KCNAB2: variants seen among roughly 807,000 people sequenced by gnomAD.
KCNAB2 encodes the protein voltage-gated potassium channel subunit beta-2.
Under a neutral mutation model 63.6 loss-of-function variants are expected in KCNAB2, and 29 were observed. The observed-to-expected ratio is 0.46, with a 90% CI of 0.34 to 0.62. The LOEUF is 0.62. KCNAB2 is among the 20% of genes least tolerant of loss of function. The pLI is 0.01. For synonymous variants in KCNAB2, 222 were observed against 224.2 expected (o/e 0.99, Z 0.09); for missense variants, 359 against 563.9 (o/e 0.64, Z 3.68).
At position 6,035,552 on chromosome 1, in the gene KCNAB2, G is replaced by A. The variant is rs982216576; in HGVS notation, c.-53+758G>A. On this transcript the variant is annotated intron_variant, in intron 1 of 15. Coordinates refer to the KCNAB2 transcript ENST00000164247. This position sits in a 1 kb window ranked among gnomAD's most constrained non-coding sequence, Gnocchi z 5.0. ...GGCGGGACGTGGGAGGAAGGGAGGA[G>A]TCGGGGTGACTCCCGGGAGTGGGAC... Among the ~76,000 whole-genome samples the A allele has an allele frequency of 6.6e-6, 1 of 152,036 alleles. No individual in the cohort carries two copies. The highest frequency in any genetic ancestry group is 2.1e-4 in the South Asian group (1 of 4,824).
intron 2 of KCNAB2, among the ~76,000 whole-genome samples, chr1:6,057,919 G>A (rs1661978502): frequency 6.6e-6 from 1 of 152,162 alleles, no homozygotes; most frequent in Admixed American, 6.5e-5. Context: ...GGGAGGCTGA[G>A]GCAAGTGGAT....
Position 6,099,835 on chromosome 1 carries a change from G to C in KCNAB2, c.*1261G>C. The C allele has an allele frequency of 6.5e-7, 1 of 1,540,742 alleles. No homozygotes were observed. The highest frequency in any genetic ancestry group is 2.4e-5 in the East Asian group (1 of 40,832). On this transcript the variant is annotated 3_prime_UTR_variant, in exon 16 of 16. Coordinates refer to ENST00000378083, the MANE Select transcript of KCNAB2 (RefSeq NM_001199862.2). ...TGGGACAGGCTGGGCAGAGGGGAGA[G>C]AGGGCAGGACAGGCCAGAGTGACGC... is the stretch of plus-strand genomic sequence containing the variant.
At chr1:6,085,920 C>A in intron 6 of KCNAB2, 1 of 985,520 alleles carries the variant, frequency 1.0e-6, no homozygotes, top group African/African-American at 1.7e-5. Flanking sequence ...CAGCACAGAC[C>A]GGGGAGCGGT....
Position 6,095,367 on chromosome 1 carries a change from C to T in KCNAB2, c.777C>T (p.Ile259=). The T allele has an allele frequency of 1.2e-6, 2 of 1,613,076 alleles. No homozygotes were observed. The highest frequency in any genetic ancestry group is 8.5e-7 in the Non-Finnish European group (1 of 1,180,024). Residue 259 remains isoleucine (I), a synonymous_variant, in exon 12 of 16, where the codon ATC becomes ATT. Coordinates refer to ENST00000378083, the MANE Select transcript of KCNAB2 (RefSeq NM_001199862.2). The part of the protein sequence containing the change: ...VARQFNLTPP[I]CEQAEYHMFQ... ...GGCAGTTCAACCTGACCCCGCCCAT[C>T]TGCGAGCAGGCTGAGTACCACATGT...
chr1:6,081,484 T>G (rs930015809), intron 4 of KCNAB2, among the ~76,000 whole-genome samples: 1 of 152,224 alleles, frequency 6.6e-6, no homozygotes. Flanking sequence ...CTTGGTTTCC[T>G]AGGACTGCTG....
chr1:6,021,567 A>G (rs1242692400), intron 1 of KCNAB2, among the ~76,000 whole-genome samples: 1 of 152,212 alleles, frequency 6.6e-6, no homozygotes, highest in African/African-American at 2.4e-5. Flanking sequence ...TATACAGTTC[A>G]GTGGTATTGA....
At chr1:6,000,594 C>G (rs1391927915) in intron 1 of KCNAB2, among the ~76,000 whole-genome samples, 1 of 151,576 alleles carries the variant, frequency 6.6e-6, no homozygotes, top group Non-Finnish European at 1.5e-5. Context: ...CCCCACCCCC[C>G]GCCGCTCTGC....
intron 3 of KCNAB2, 81 bp downstream of exon 3, chr1:6,072,879 G>C: frequency 7.1e-7 from 1 of 1,405,088 alleles, no homozygotes; most frequent in Non-Finnish European, 9.9e-7. Flanking sequence ...GACACCCCTT[G>C]GGAGGCAGGG....
intron 1 of KCNAB2, among the ~76,000 whole-genome samples, chr1:5,999,258 A>G (rs1481134754): frequency 6.6e-6 from 1 of 152,138 alleles, no homozygotes; most frequent in African/African-American, 2.4e-5. Flanking sequence ...GTCCTGAGAT[A>G]TCGGTGTGCC....
chr1:6,091,368 G>T, intron 10 of KCNAB2, 61 bp downstream of exon 10: 1 of 1,200,726 alleles, frequency 8.3e-7, no homozygotes, highest in East Asian at 2.6e-5. Flanking sequence ...TTATGAGACA[G>T]TATTTTTATT....
intron 5 of KCNAB2, among the ~76,000 whole-genome samples, chr1:6,083,392 C>T (rs1300656426): frequency 6.6e-6 from 1 of 152,214 alleles, no homozygotes; most frequent in African/African-American, 2.4e-5. Context: ...GGGCACACCC[C>T]ATGTCACAGC....
chr1:6,020,037 G>A (rs961810662), intron 1 of KCNAB2, among the ~76,000 whole-genome samples: 1 of 152,188 alleles, frequency 6.6e-6, no homozygotes, highest in Non-Finnish European at 1.5e-5. Flanking sequence ...TCCCACAGGT[G>A]GAGGTCTTGC....
At chr1:6,077,042 G>A (rs565163386) in intron 4 of KCNAB2, among the ~76,000 whole-genome samples, 14 of 152,102 alleles carry the variant, frequency 9.2e-5, no homozygotes, top group African/African-American at 3.1e-4. Flanking sequence ...AAAAATTAGC[G>A]GGGCGTGGTG....
chr1:6,043,778 C>T (rs1195874313), upstream of KCNAB2, among the ~76,000 whole-genome samples: 1 of 152,232 alleles, frequency 6.6e-6, no homozygotes, highest in Non-Finnish European at 1.5e-5. Flanking sequence ...CATGCAGCTC[C>T]CAGGCAAGGA....
intron 5 of KCNAB2, among the ~76,000 whole-genome samples, chr1:6,083,736 G>A (rs949692438): frequency 6.6e-6 from 1 of 152,252 alleles, no homozygotes; most frequent in Admixed American, 6.5e-5. Context: ...GAGTTTGGGG[G>A]AGGCTGAGAG....
intron 1 of KCNAB2, among the ~76,000 whole-genome samples, chr1:6,013,969 C>T (rs898861735): frequency 2.0e-5 from 3 of 152,232 alleles, no homozygotes; most frequent in Non-Finnish European, 4.4e-5. Context: ...AGAACTGCCA[C>T]TCACCAGGTG....
chr1:6,023,671 T>C (rs541162344), intron 1 of KCNAB2, among the ~76,000 whole-genome samples: 8 of 152,336 alleles, frequency 5.3e-5, no homozygotes, highest in African/African-American at 1.9e-4. Flanking sequence ...ATTTTAGTTC[T>C]CTATGTATTC....
chr1:6,047,603 C>T (rs992250235), intron 1 of KCNAB2, among the ~76,000 whole-genome samples: 1 of 152,192 alleles, frequency 6.6e-6, no homozygotes, highest in Non-Finnish European at 1.5e-5. Context: ...AGCTGCCTGG[C>T]ACTGCCAGGA....
At chr1:6,017,288 T>G (rs546502239) in intron 1 of KCNAB2, among the ~76,000 whole-genome samples, 3 of 152,224 alleles carry the variant, frequency 2.0e-5, no homozygotes, top group African/African-American at 7.2e-5. Flanking sequence ...TCTCACACTG[T>G]CACCCAGGAT....
Sources: gnomAD v4.1 joint callset for allele counts (sites outside exome capture counted in the v4.1 genomes callset) on GRCh38, gnomAD v4.1.1 for gene constraint, Gnocchi (gnomAD v3.1) non-coding constraint, MANE v1.5 for transcripts, NCBI Gene and HGNC (gene_info 2026-07-23, HGNC 2026-07-21) for gene names.